SLC8B1: variants seen among roughly 807,000 people sequenced by gnomAD.
SLC8B1 encodes mitochondrial sodium/calcium exchanger protein.
Under a neutral mutation model 63.4 loss-of-function variants are expected in SLC8B1, and 52 were observed. The ratio of observed to expected loss-of-function variants is 0.82; its 90% CI spans 0.66 to 1.03. The LOEUF (loss-of-function observed/expected upper bound fraction) is 1.03. SLC8B1 is among the 50% of genes least tolerant of loss of function. The probability of loss-of-function intolerance (pLI) is 0.00; values close to 1 mark genes in which losing one functional copy is unlikely to be tolerated. For missense variants in SLC8B1, 657 were observed against 741.7 expected, an observed-to-expected ratio of 0.89 and a Z score of 1.33; for synonymous variants, 336 against 323.9, an observed-to-expected ratio of 1.04 and a Z score of -0.40.
At chr12:113,322,786 A>C (rs993711389) in intron 2 of SLC8B1, among the ~76,000 whole-genome samples, 2 of 152,060 alleles carry the variant, frequency 1.3e-5, no homozygotes, top group Non-Finnish European at 2.9e-5. Context: ...ATCTCTACAA[A>C]AAATACAAAA....
intron 8 of SLC8B1, 59 bp downstream of exon 8, chr12:113,318,905 A>G: frequency 7.3e-7 from 1 of 1,373,760 alleles, no homozygotes; most frequent in South Asian, 1.2e-5. Flanking sequence ...GCAGCACTGA[A>G]GGGCACAGAG....
intron 2 of SLC8B1, among the ~76,000 whole-genome samples, chr12:113,329,367 T>A (rs1448716987): frequency 6.6e-6 from 1 of 152,132 alleles, no homozygotes; most frequent in African/African-American, 2.4e-5. Context: ...GCAGCCTCCA[T>A]TTCCTGTCCT....
intron 15 of SLC8B1, among the ~76,000 whole-genome samples, chr12:113,303,798 G>T (rs1366739608): frequency 6.6e-6 from 1 of 152,058 alleles, no homozygotes; most frequent in Non-Finnish European, 1.5e-5. Flanking sequence ...CTTCCGCTGC[G>T]TGCTTATCCA....
In SLC8B1 at chr12:113,320,468, G is replaced by A. The variant is rs751114872; in HGVS notation, c.557C>T (p.Ala186Val). ...GGGGTGTAGGATGGTAATGCCTCCG[G>A]CCACCACTGTGGTAACCAGCACGCC... is the stretch of plus-strand genomic sequence containing the variant. ...GAGVLVTTVV[A>V]GGITILHPFM... is the part of the protein sequence containing the mutation. Residue 186 changes from alanine to valine, a missense_variant, in exon 7 of 16, where the codon GCC becomes GTC. Ala to Val is a moderately conservative substitution (Grantham distance 64). Transcript: ENST00000680972. The surrounding 1 kb of genome is among the most constrained non-coding windows in gnomAD (Gnocchi z 5.3). 25 of 1,614,014 alleles carry A rather than the reference G, an allele frequency of 1.5e-5. No individual in the cohort carries two copies. The South Asian group carries it at 2.6e-4, about 17-fold the overall frequency.
intron 11 of SLC8B1, 110 bp downstream of exon 11, chr12:113,315,225 G>T: frequency 8.6e-7 from 1 of 1,158,790 alleles, no homozygotes; most frequent in Non-Finnish European, 1.2e-6. Context: ...GGTGGAGGGA[G>T]GTTGCAGTGA....
intron 13 of SLC8B1, 144 bp from the exon 14 acceptor site, chr12:113,306,719 T>A: frequency 1.5e-6 from 1 of 668,190 alleles, no homozygotes; most frequent in Non-Finnish European, 2.7e-6. Flanking sequence ...GCTGGTGGGG[T>A]GCTGTGTGAG....
In SLC8B1 at chr12:113,335,022, C is replaced by G. The variant is rs1957110867; in HGVS notation, c.-662G>C. The G allele has an allele frequency of 6.6e-6, 1 of 152,288 alleles. No individual in the cohort carries two copies. Among genetic ancestry groups the G allele is most frequent in the Non-Finnish European group, 1.5e-5 (1 of 68,078 alleles). The allele number at this position is 152,288 out of a possible 1,614,324, so 9.4% of individuals were successfully genotyped here. ...GGCCGGGCCTGGGACCAGCAAACTC[C>G]GAACCTCGACCTCGCAGGGCCTCGC... On this transcript the variant is annotated 5_prime_UTR_variant, in exon 1 of 16. Coordinates refer to ENST00000680972, the MANE Select transcript of SLC8B1 (RefSeq NM_001358345.2).
At chr12:113,330,323 C>T (rs530988014) in intron 2 of SLC8B1, among the ~76,000 whole-genome samples, 3 of 152,354 alleles carry the variant, frequency 2.0e-5, no homozygotes, top group African/African-American at 7.2e-5. Context: ...CTGCAGGCTC[C>T]CTGGATGGTG....
intron 2 of SLC8B1, among the ~76,000 whole-genome samples, chr12:113,322,180 CAA>C (rs377463168): frequency 7.0e-6 from 1 of 142,970 alleles, no homozygotes. Flanking sequence ...GATCTTGTCT[CAA>C]AAAAAAAAAA....
Position 113,299,469 on chromosome 12 carries a change from C to T in SLC8B1, c.*308G>A, listed in dbSNP as rs991850976. 2.8e-6 allele frequency: 1 copy of T among 353,034 alleles called. No individual in the cohort carries two copies. Among genetic ancestry groups the T allele is most frequent in the Admixed American group, 3.8e-5 (1 of 26,140 alleles). The allele number at this position is 353,034 out of a possible 1,614,324, so 21.9% of individuals were successfully genotyped here. A position where few individuals can be genotyped will look rare whatever the true frequency, so the allele number is the denominator to read the frequency against. ...AGCACATCCAGCCATCCCCTTCCCC[C>T]AAACTCCAGCCCTTCTCAGAGGGGC... On this transcript the variant is annotated 3_prime_UTR_variant, in exon 16 of 16. Transcript: ENST00000680972.
intron 15 of SLC8B1, among the ~76,000 whole-genome samples, chr12:113,303,487 C>T (rs1305459777): frequency 3.3e-5 from 5 of 152,136 alleles, no homozygotes; most frequent in Non-Finnish European, 5.9e-5. Flanking sequence ...AAAACCAACC[C>T]CCAGGCCATC....
intron 11 of SLC8B1, 111 bp from the exon 12 acceptor site, chr12:113,310,466 G>GA: frequency 7.1e-7 from 1 of 1,399,642 alleles, no homozygotes; most frequent in Non-Finnish European, 9.4e-7. Context: ...CCCTGTCCTA[G>GA]ACACTTCATG....
At chr12:113,328,418 G>T (rs1957021189) in intron 2 of SLC8B1, among the ~76,000 whole-genome samples, 1 of 152,028 alleles carries the variant, frequency 6.6e-6, no homozygotes, top group Non-Finnish European at 1.5e-5. Flanking sequence ...TTCTCATCTG[G>T]CCTCCTACCC....
chr12:113,311,555 C>A (rs1341681341), intron 11 of SLC8B1, among the ~76,000 whole-genome samples: 1 of 151,176 alleles, frequency 6.6e-6, no homozygotes, highest in Non-Finnish European at 1.5e-5. Flanking sequence ...CGGGAGGTGG[C>A]GGTTGCAGTG....
chr12:113,318,358 CTA>C (rs369591658), intron 8 of SLC8B1, among the ~76,000 whole-genome samples: 25 of 149,778 alleles, frequency 1.7e-4, no homozygotes, highest in African/African-American at 3.7e-4. Flanking sequence ...GCATGTACTC[CTA>C]TGTGTGTTGT....
intron 2 of SLC8B1, among the ~76,000 whole-genome samples, chr12:113,332,246 C>T (rs953179277): frequency 1.3e-5 from 2 of 152,192 alleles, no homozygotes; most frequent in Admixed American, 6.5e-5. Flanking sequence ...CTTAGCACAT[C>T]GCCACCTGAA....
In SLC8B1 at chr12:113,310,315, G is replaced by C; in HGVS notation, c.1176C>G (p.Val392=). 1 of 1,614,058 alleles carries C rather than the reference G, an allele frequency of 6.2e-7. No homozygotes were observed. The highest frequency in any genetic ancestry group is 1.3e-5 in the African/African-American group (1 of 75,030). ...AGGCTGTGCCTGCGATCACCACCACGACCCAGACGGGAACGAGGCCGCCTA... is the reference window on the plus strand; with the variant it reads ...AGGCTGTGCCTGCGATCACCACCACCACCCAGACGGGAACGAGGCCGCCTA... ...YEIGGLVPVW[V]VVVIAGTALA... is the part of the protein sequence containing the mutation. Residue 392 remains valine (V), a synonymous_variant, in exon 12 of 16, where the codon GTC becomes GTG. Coordinates refer to ENST00000680972, the MANE Select transcript of SLC8B1 (RefSeq NM_001358345.2).
Position 113,310,092 on chromosome 12 carries a change from A to C in SLC8B1, c.1257+142T>G, listed in dbSNP as rs568877220. The C allele has an allele frequency of 3.9e-4, 443 of 1,128,268 alleles. 1 individual carries two copies. The highest frequency in any genetic ancestry group is 2.1e-3 in the South Asian group (109 of 52,878). The allele number at this position is 1,128,268 out of a possible 1,614,324, so 69.9% of individuals were successfully genotyped here. A position where few individuals can be genotyped will look rare whatever the true frequency, so the allele number is the denominator to read the frequency against. On this transcript the variant is annotated intron_variant, in intron 12 of 15. Transcript: ENST00000680972. ...CCTGTATAGATACAAACACTCTCAA[A>C]AGCAGCTTTAAAGTTCGGTTACCTG...
rs1290502758 is a variant in SLC8B1 at position 113,305,997 on chromosome 12, T to G, written c.1492+498A>C. Among the ~76,000 whole-genome samples, 1 of 138,232 alleles carries G rather than the reference T, an allele frequency of 7.2e-6. No homozygotes were observed. The highest frequency in any genetic ancestry group is 1.5e-5 in the Non-Finnish European group (1 of 66,762). The allele number at this position is 138,232 out of a possible 152,430, so 90.7% of individuals were successfully genotyped here. ...TTGCTTGAACCCGGAAGGCAGAAAT[T>G]GCAGTGAGCCAAGATCACGCCACCG... On this transcript the variant is annotated intron_variant, in intron 14 of 15. Coordinates refer to ENST00000680972, the MANE Select transcript of SLC8B1 (RefSeq NM_001358345.2). The surrounding 1 kb of genome is among the most constrained non-coding windows in gnomAD (Gnocchi z 4.3).
Sources: gnomAD v4.1 joint callset for allele counts (sites outside exome capture counted in the v4.1 genomes callset) on GRCh38, gnomAD v4.1.1 for gene constraint, Gnocchi (gnomAD v3.1) non-coding constraint, MANE v1.5 for transcripts, NCBI Gene and HGNC (gene_info 2026-07-23, HGNC 2026-07-21) for gene names.